SH3KBP1: variants seen among roughly 807,000 people sequenced by gnomAD.
SH3KBP1 encodes SH3 domain containing kinase binding protein 1.
Under a neutral mutation model 50.1 loss-of-function variants are expected in SH3KBP1, and 8 were observed. The observed-to-expected ratio is 0.16, with a 90% CI of 0.09 to 0.29. SH3KBP1 has a LOEUF of 0.29. SH3KBP1 is among the 10% of genes least tolerant of loss of function. The probability of loss-of-function intolerance (pLI) is 1.00; values close to 1 mark genes in which losing one functional copy is unlikely to be tolerated. For synonymous variants in SH3KBP1, 227 were observed against 218.6 expected (o/e 1.04, Z -0.34); for missense variants, 377 against 535.2 (o/e 0.70, Z 2.92).
intron 2 of SH3KBP1, among the ~76,000 whole-genome samples, chrX:19,769,981 G>A (rs1447937706): frequency 9.0e-6 from 1 of 111,317 alleles, no homozygotes; most frequent in Non-Finnish European, 1.9e-5. Context: ...TCGGATTCAT[G>A]GACAAACATC....
At chrX:19,789,822 C>T (rs775029778) in intron 2 of SH3KBP1, among the ~76,000 whole-genome samples, 6 of 110,631 alleles carry the variant, frequency 5.4e-5, no homozygotes, top group Admixed American at 9.6e-5. Context: ...GGCCATTTTC[C>T]TCAGATCACA....
At chrX:19,798,421 T>C (rs938204725) in intron 2 of SH3KBP1, among the ~76,000 whole-genome samples, 13 of 110,920 alleles carry the variant, frequency 1.2e-4, no homozygotes, top group African/African-American at 4.3e-4. Context: ...TCCCTCCCTC[T>C]GGCTGAATAT....
Position 19,678,349 on chromosome X carries a change from G to GT in SH3KBP1, c.726+5473dup, listed in dbSNP as rs368865059. On this transcript the variant is annotated intron_variant, in intron 6 of 17. Transcript: ENST00000397821. ...GCAATCTCAATCAAAATTCCAGGAG[G>GT]TTTTTTTTTTTTTTTATGATGATGG... Among the ~76,000 whole-genome samples, 577 of 98,095 alleles carry GT rather than the reference G, an allele frequency of 5.9e-3. 3 individuals carry two copies. The highest frequency in any genetic ancestry group is 0.014 in the South Asian group (30 of 2,167). 85.2% of individuals were successfully genotyped at this position (98,095 alleles called of 115,157 possible). A position where few individuals can be genotyped will look rare whatever the true frequency, so the allele number is the denominator to read the frequency against.
chrX:19,691,348 C>A (rs1188659698), intron 5 of SH3KBP1, among the ~76,000 whole-genome samples: 24 of 95,375 alleles, frequency 2.5e-4, no homozygotes, highest in East Asian at 6.0e-4. Flanking sequence ...CTCTCTCTCT[C>A]TCTCTCTCTA....
chrX:19,766,149 A>G (rs1334148932), intron 2 of SH3KBP1, among the ~76,000 whole-genome samples: 1 of 111,377 alleles, frequency 9.0e-6, no homozygotes, highest in African/African-American at 3.3e-5. Context: ...AAAGGTTTCA[A>G]TTGTTCCACA....
intron 4 of SH3KBP1, among the ~76,000 whole-genome samples, chrX:19,697,714 G>A (rs771364483): frequency 3.0e-4 from 34 of 112,045 alleles, no homozygotes; most frequent in Non-Finnish European, 6.0e-4. Flanking sequence ...GGAAGGCTTT[G>A]AGAAAAAAGA....
intron 2 of SH3KBP1, among the ~76,000 whole-genome samples, chrX:19,819,632 G>C (rs1245470877): frequency 9.0e-6 from 1 of 111,674 alleles, no homozygotes; most frequent in Non-Finnish European, 1.9e-5. Flanking sequence ...TTTCAAACAT[G>C]AGCCACTGTA....
At chrX:19,876,795 G>A (rs975725743) in intron 1 of SH3KBP1, among the ~76,000 whole-genome samples, 4 of 111,177 alleles carry the variant, frequency 3.6e-5, no homozygotes, top group Non-Finnish European at 5.7e-5. Flanking sequence ...TTTGAATTTC[G>A]AATCCTGGGG....
At chrX:19,857,295 T>C (rs756929747) in intron 1 of SH3KBP1, among the ~76,000 whole-genome samples, 12 of 110,569 alleles carry the variant, frequency 1.1e-4, no homozygotes, top group Non-Finnish European at 2.3e-4. Context: ...TGATGACACC[T>C]GCGGCAGAAG....
chrX:19,816,113 C>G (rs1040943972), intron 2 of SH3KBP1, among the ~76,000 whole-genome samples: 1 of 112,153 alleles, frequency 8.9e-6, no homozygotes, highest in Non-Finnish European at 1.9e-5. Flanking sequence ...TTTTCATTCC[C>G]ACCATCAATA....
At chrX:19,874,638 C>T (rs995996869) in intron 1 of SH3KBP1, among the ~76,000 whole-genome samples, 13 of 96,798 alleles carry the variant, frequency 1.3e-4, no homozygotes, top group South Asian at 5.2e-4. Context: ...ATAAGAGGAA[C>T]GGGCTGGGAA....
intron 10 of SH3KBP1, among the ~76,000 whole-genome samples, chrX:19,593,674 T>C (rs1053369991): frequency 7.2e-5 from 8 of 111,127 alleles, no homozygotes; most frequent in Non-Finnish European, 1.9e-5. Context: ...GTCGGTATCA[T>C]TCCTAGAGAC....
rs2065196451 is a variant in SH3KBP1, at chrX:19,550,096, T to C, written c.1385-13A>G. On this transcript the variant is annotated splice_polypyrimidine_tract_variant and intron_variant, in intron 13 of 17. Transcript: ENST00000397821. ...AAACCTTCTAAGTCTAAAACAAAAGTAAAACAGTTTTAAGAGCCAAAATAG... is the reference window on the plus strand; with the variant it reads ...AAACCTTCTAAGTCTAAAACAAAAGCAAAACAGTTTTAAGAGCCAAAATAG... 8.7e-7 allele frequency: 1 copy of C among 1,143,159 alleles called. No homozygotes were observed. The highest frequency in any genetic ancestry group is 1.2e-6 in the Non-Finnish European group (1 of 835,128). 94.2% of individuals were successfully genotyped at this position (1,143,159 alleles called of 1,213,427 possible). A position where few individuals can be genotyped will look rare whatever the true frequency, so the allele number is the denominator to read the frequency against.
Position 19,618,942 on chromosome X carries a change from G to A in SH3KBP1, c.898-10897C>T, listed in dbSNP as rs1347233127. ...GATCACACCACCACACTCCAGCCTG[G>A]GTGACAAGAGTGAGACCCTGTCTTA... On this transcript the variant is annotated intron_variant, in intron 8 of 17. Coordinates refer to ENST00000397821, the MANE Select transcript of SH3KBP1 (RefSeq NM_031892.3). Among the ~76,000 whole-genome samples the A allele has an allele frequency of 1.1e-4, 12 of 106,127 alleles. No homozygotes were observed. In the Admixed American group the frequency reaches 1.2e-3, roughly 11 times the overall value. 92.2% of individuals were successfully genotyped at this position (106,127 alleles called of 115,157 possible).
At chrX:19,776,030 G>T (rs766644087) in intron 2 of SH3KBP1, among the ~76,000 whole-genome samples, 2 of 111,406 alleles carry the variant, frequency 1.8e-5, no homozygotes, top group African/African-American at 6.5e-5. Context: ...CTGATATTTA[G>T]CACAAATGTG....
At chrX:19,569,758 C>A (rs1231709414) in intron 12 of SH3KBP1, among the ~76,000 whole-genome samples, 1 of 111,561 alleles carries the variant, frequency 9.0e-6, no homozygotes, top group Non-Finnish European at 1.9e-5. Flanking sequence ...CCATGCTCAT[C>A]AGGACACGAA....
At chrX:19,601,369 A>G (rs1361223334) in intron 9 of SH3KBP1, 2 of 111,555 alleles carry the variant, frequency 1.8e-5, no homozygotes, top group African/African-American at 6.5e-5. Flanking sequence ...CAAAAGGCTC[A>G]TTGGCTGGCT....
chrX:19,555,689 G>A (rs1260638637), intron 13 of SH3KBP1, among the ~76,000 whole-genome samples: 3 of 111,864 alleles, frequency 2.7e-5, no homozygotes, highest in African/African-American at 6.5e-5. Context: ...TATTAAGGCC[G>A]CTGAATTTCT....
chrX:19,652,077 G>A (rs750666957), intron 6 of SH3KBP1, among the ~76,000 whole-genome samples: 19 of 111,256 alleles, frequency 1.7e-4, no homozygotes, highest in Non-Finnish European at 3.0e-4. Flanking sequence ...ACCACAACAG[G>A]CAGAAAGAGA....
Sources: allele counts gnomAD v4.1 joint callset (sites outside exome capture counted in the v4.1 genomes callset), GRCh38; gene constraint gnomAD v4.1.1; transcripts MANE v1.5; gene names NCBI Gene and HGNC (gene_info 2026-07-23, HGNC 2026-07-21).